The following CRACD variants were observed in gnomAD, a reference collection of about 807,000 sequenced individuals.
The protein encoded by CRACD is capping protein-inhibiting regulator of actin dynamics.
Under a neutral mutation model 106.8 loss-of-function variants are expected in CRACD, and 56 were observed. That is an observed-to-expected ratio of 0.52 (90% CI 0.42 to 0.66). The LOEUF (loss-of-function observed/expected upper bound fraction) is 0.66. CRACD is among the 30% of genes least tolerant of loss of function. The pLI, the probability that CRACD is intolerant of heterozygous loss-of-function variation, is 0.00. For missense variants in CRACD, 1,730 were observed against 1,623.2 expected, an observed-to-expected ratio of 1.07 and a Z score of -1.13; for synonymous variants, 754 against 670.8, an observed-to-expected ratio of 1.12 and a Z score of -1.92.
chr4:56,217,005 A>G (rs1297426194), intron 2 of CRACD, among the ~76,000 whole-genome samples: 75 of 129,116 alleles, frequency 5.8e-4, no homozygotes, highest in African/African-American at 2.0e-3. Flanking sequence ...AAAAAAAAGA[A>G]AAAAAAAAAA....
At chr4:56,098,456 G>A (rs753667022) in intron 1 of CRACD, among the ~76,000 whole-genome samples, 7 of 152,062 alleles carry the variant, frequency 4.6e-5, no homozygotes, top group Admixed American at 6.5e-5. Context: ...ATGGTCTTGG[G>A]TGATTCTACA....
chr4:56,320,119 C>G (rs899281027), intron 8 of CRACD, among the ~76,000 whole-genome samples: 1 of 149,302 alleles, frequency 6.7e-6, no homozygotes, highest in African/African-American at 2.5e-5. Flanking sequence ...TTGCAGTGAG[C>G]AGAGATTGTG....
intron 3 of CRACD, among the ~76,000 whole-genome samples, chr4:56,293,852 C>T (rs1169084301): frequency 6.6e-6 from 1 of 152,204 alleles, no homozygotes; most frequent in Non-Finnish European, 1.5e-5. Flanking sequence ...GTCGGGGACA[C>T]AGATCCAAAC....
At chr4:56,071,057 T>C (rs73817329) in intron 1 of CRACD, among the ~76,000 whole-genome samples, 2,549 of 152,242 alleles carry the variant, frequency 0.017, 71 homozygotes, top group African/African-American at 0.057. Flanking sequence ...TAAAAAGAGC[T>C]TGTAAGCCTT....
At chr4:56,105,728 A>G (rs1325719334) in intron 1 of CRACD, among the ~76,000 whole-genome samples, 2 of 152,150 alleles carry the variant, frequency 1.3e-5, no homozygotes, top group Non-Finnish European at 2.9e-5. Flanking sequence ...GACCTTTAAT[A>G]GCTTTGTTTT....
intron 3 of CRACD, among the ~76,000 whole-genome samples, chr4:56,297,637 C>A (rs1033677779): frequency 5.3e-5 from 8 of 152,154 alleles, no homozygotes; most frequent in African/African-American, 1.9e-4. Flanking sequence ...ATACCAGCCA[C>A]CTATAAGGTG....
chr4:56,162,740 C>T (rs1327248145), intron 1 of CRACD, among the ~76,000 whole-genome samples: 1 of 152,234 alleles, frequency 6.6e-6, no homozygotes, highest in African/African-American at 2.4e-5. Flanking sequence ...AGAGATGAGG[C>T]ATTCAACATC....
At chr4:56,177,459 A>G (rs1228350929) in intron 1 of CRACD, among the ~76,000 whole-genome samples, 1 of 152,014 alleles carries the variant, frequency 6.6e-6, no homozygotes, top group African/African-American at 2.4e-5. Context: ...CTGTGGTTTG[A>G]TGGTATTTTG....
chr4:56,279,495 A>G (rs1053417695), intron 3 of CRACD, among the ~76,000 whole-genome samples: 3 of 152,252 alleles, frequency 2.0e-5, no homozygotes, highest in Non-Finnish European at 2.9e-5. Context: ...ATATGAACAG[A>G]CACTTCTCAA....
intron 1 of CRACD, among the ~76,000 whole-genome samples, chr4:56,118,559 C>T (rs1050833769): frequency 1.5e-4 from 23 of 152,062 alleles, no homozygotes; most frequent in African/African-American, 4.6e-4. Context: ...GATTAGGAAG[C>T]GCAGAGTTTC....
chr4:56,189,479 T>C lies in CRACD; in HGVS notation c.-189+10049T>C, dbSNP rs192475010. Among the ~76,000 whole-genome samples the C allele has an allele frequency of 2.1e-3, 324 of 151,764 alleles. 1 individual carries two copies. The highest frequency in any genetic ancestry group is 7.4e-3 in the African/African-American group (306 of 41,412). ...TTGTTACATATGTATACATGTACCA[T>C]GTTGGTGTGCTGCACCCATTAACTC... On this transcript the variant is annotated intron_variant, in intron 2 of 10. Coordinates refer to ENST00000682029, the MANE Select transcript of CRACD (RefSeq NM_001393381.1).
Position 56,304,671 on chromosome 4 carries a change from A to G in CRACD, c.121-2864A>G, listed in dbSNP as rs540767232. 7.2e-5 allele frequency among the ~76,000 whole-genome samples: 11 copies of G among 152,262 alleles called. No homozygotes were observed. In the South Asian group the frequency reaches 2.1e-3, roughly 29 times the overall value. On this transcript the variant is annotated intron_variant, in intron 4 of 10. Coordinates refer to ENST00000682029, the MANE Select transcript of CRACD (RefSeq NM_001393381.1). ...GTGGTGTGCATCTGTAGTCCCACCTATTTAGGAGGCTGAGGTGGGAGAATT... is the reference window on the plus strand; with the variant it reads ...GTGGTGTGCATCTGTAGTCCCACCTGTTTAGGAGGCTGAGGTGGGAGAATT...
intron 2 of CRACD, among the ~76,000 whole-genome samples, chr4:56,239,539 A>C (rs1308947943): frequency 6.6e-6 from 1 of 151,994 alleles, no homozygotes; most frequent in African/African-American, 2.4e-5. Flanking sequence ...TGATACAGAG[A>C]GCCATCAAAA....
intron 2 of CRACD, among the ~76,000 whole-genome samples, chr4:56,267,187 C>T (rs1742072254): frequency 6.6e-6 from 1 of 150,746 alleles, no homozygotes; most frequent in Admixed American, 6.6e-5. Flanking sequence ...GTGGTGCGAT[C>T]TCGGCTCACT....
intron 2 of CRACD, among the ~76,000 whole-genome samples, chr4:56,195,760 G>C (rs1411347205): frequency 3.9e-5 from 6 of 152,108 alleles, no homozygotes; most frequent in Non-Finnish European, 7.4e-5. Context: ...AATAACACAG[G>C]AACAATAGAA....
intron 1 of CRACD, among the ~76,000 whole-genome samples, chr4:56,067,895 C>A (rs1732516851): frequency 6.6e-6 from 1 of 151,512 alleles, no homozygotes; most frequent in Admixed American, 6.6e-5. Context: ...ATTTTTCAGA[C>A]CAAATGGTTG....
In CRACD at chr4:56,298,675, G is replaced by A. The variant is rs181251830; in HGVS notation, c.120+326G>A. On this transcript the variant is annotated intron_variant, in intron 4 of 10. Coordinates refer to ENST00000682029, the MANE Select transcript of CRACD (RefSeq NM_001393381.1). ...GGGCCAGGCGCGGTGGCTCAGGCCT[G>A]TAATCCCAGCACTTTGGGAGGCCGA... 3.1e-3 allele frequency among the ~76,000 whole-genome samples: 467 copies of A among 152,286 alleles called. 2 individuals are homozygous for A. Among genetic ancestry groups the A allele is most frequent in the African/African-American group, 0.011 (448 of 41,552 alleles).
Position 56,316,103 on chromosome 4 carries a change from G to A in CRACD, c.2601G>A (p.Lys867=), listed in dbSNP as rs773014122. ...RFNCDQQAEQ[K]KKKRHSSTGD... is the part of the protein sequence containing the mutation. ...ACTGCGACCAACAGGCAGAACAGAA[G>A]AAGAAGAAGAGGCACAGCAGCACCG... Residue 867 remains lysine, a synonymous_variant, in exon 8 of 11, where the codon AAG becomes AAA. Coordinates refer to ENST00000682029, the MANE Select transcript of CRACD (RefSeq NM_001393381.1). 6.6e-5 allele frequency: 106 copies of A among 1,614,054 alleles called. No homozygotes were observed. The Admixed American group carries it at 6.8e-4, about 10-fold the overall frequency.
At chr4:56,171,375 CACAGTATCGAAGAA>C (rs1392891716) in intron 1 of CRACD, among the ~76,000 whole-genome samples, 1 of 152,064 alleles carries the variant, frequency 6.6e-6, no homozygotes, top group Non-Finnish European at 1.5e-5. Flanking sequence ...ACCAGGAAGA[CACAGTATCGAAGAA>C]ACTAAAGGAA....
Sources: allele counts gnomAD v4.1 joint callset (sites outside exome capture counted in the v4.1 genomes callset), GRCh38; gene constraint gnomAD v4.1.1; transcripts MANE v1.5; gene names NCBI Gene and HGNC (gene_info 2026-07-23, HGNC 2026-07-21).